The following EIF4G3 variants were observed in gnomAD, a reference collection of about 807,000 sequenced individuals.
EIF4G3 encodes the protein eIF-4-gamma 3.
Under a neutral mutation model 186.4 loss-of-function variants are expected in EIF4G3, and 34 were observed. That is an observed-to-expected ratio of 0.18 (90% confidence interval 0.14 to 0.24). EIF4G3 has a LOEUF of 0.24. Among genes scored for constraint, EIF4G3 ranks in the 10% least tolerant of loss-of-function variants. The pLI is 1.00. For synonymous variants in EIF4G3, 673 were observed against 679.5 expected, an observed-to-expected ratio of 0.99 and a Z score of 0.15; for missense variants, 1,536 against 1,948.5, an observed-to-expected ratio of 0.79 and a Z score of 3.99.
intron 20 of EIF4G3, among the ~76,000 whole-genome samples, chr1:20,875,734 A>T (rs2080574227): frequency 6.6e-6 from 1 of 152,120 alleles, no homozygotes; most frequent in African/African-American, 2.4e-5. Context: ...CAACATATTG[A>T]GATTCTGTCT....
intron 14 of EIF4G3, among the ~76,000 whole-genome samples, chr1:20,917,964 TATA>T (rs2094080797): frequency 6.6e-6 from 1 of 152,252 alleles, no homozygotes; most frequent in Non-Finnish European, 1.5e-5. Flanking sequence ...AAGGTAAATA[TATA>T]ATCTGTACAT....
At chr1:20,966,566 G>A (rs914749714) in intron 12 of EIF4G3, among the ~76,000 whole-genome samples, 8 of 151,740 alleles carry the variant, frequency 5.3e-5, no homozygotes, top group Non-Finnish European at 1.0e-4. Context: ...CTGCCTCCCG[G>A]GTTCAAGCGA....
chr1:21,051,532 C>T (rs990205364), intron 3 of EIF4G3, among the ~76,000 whole-genome samples: 9 of 152,180 alleles, frequency 5.9e-5, no homozygotes, highest in African/African-American at 1.2e-4. Context: ...GTTACTTATA[C>T]GACATAATCT....
chr1:20,997,935 C>T (rs912304551), intron 6 of EIF4G3, among the ~76,000 whole-genome samples: 2 of 150,076 alleles, frequency 1.3e-5, no homozygotes, highest in Non-Finnish European at 3.0e-5. Flanking sequence ...AAAAAAAACC[C>T]TAAAATAAGG....
At chr1:20,860,753 A>T (rs2076149799) in intron 23 of EIF4G3, among the ~76,000 whole-genome samples, 1 of 152,222 alleles carries the variant, frequency 6.6e-6, no homozygotes, top group Non-Finnish European at 1.5e-5. Context: ...TAGCCAATGG[A>T]TACAAAGAAC....
chr1:20,864,430 C>T, intron 22 of EIF4G3, 46 bp downstream of exon 22: 1 of 1,404,416 alleles, frequency 7.1e-7, no homozygotes, highest in Non-Finnish European at 1.0e-6. Flanking sequence ...TCTTTTGCAA[C>T]TGACAAGGAG....
chr1:20,977,336 G>A (rs764498584), intron 10 of EIF4G3, among the ~76,000 whole-genome samples: 19 of 151,862 alleles, frequency 1.3e-4, no homozygotes, highest in African/African-American at 1.9e-4. Context: ...ACAGGCGCCC[G>A]CCACCACACC....
chr1:20,962,026 C>T (rs896124785), intron 12 of EIF4G3, among the ~76,000 whole-genome samples: 1 of 152,064 alleles, frequency 6.6e-6, no homozygotes, highest in African/African-American at 2.4e-5. Context: ...TAGGTATCAC[C>T]TTCAAATTCT....
intron 3 of EIF4G3, among the ~76,000 whole-genome samples, chr1:21,055,154 A>G (rs771559873): frequency 2.0e-5 from 3 of 152,196 alleles, no homozygotes; most frequent in Non-Finnish European, 4.4e-5. Context: ...GAGCTCTTAT[A>G]AGAAAATTTC....
chr1:21,155,194 C>T (rs761281580), intron 2 of EIF4G3, among the ~76,000 whole-genome samples: 5 of 127,312 alleles, frequency 3.9e-5, no homozygotes, highest in Non-Finnish European at 7.8e-5. Flanking sequence ...ACCCAGGAGG[C>T]GGAGGTTGCA....
At chr1:20,932,994 G>A (rs1387612686) in intron 14 of EIF4G3, among the ~76,000 whole-genome samples, 2 of 152,134 alleles carry the variant, frequency 1.3e-5, no homozygotes, top group African/African-American at 4.8e-5. Flanking sequence ...ACTATATGGC[G>A]CTTTTGAAAT....
At chr1:20,976,577 A>G (rs16824917) in intron 10 of EIF4G3, among the ~76,000 whole-genome samples, 4,434 of 152,304 alleles carry the variant, frequency 0.029, 142 homozygotes, top group East Asian at 0.14. Context: ...GGTGCAGTCA[A>G]TATTTAGATT....
intron 23 of EIF4G3, 48 bp downstream of exon 23, chr1:20,862,180 T>G: frequency 8.4e-7 from 1 of 1,191,832 alleles, no homozygotes; most frequent in Non-Finnish European, 1.2e-6. Flanking sequence ...CCAATTCCTT[T>G]AAAGAGACTG....
Position 20,857,502 on chromosome 1 carries a change from A to C in EIF4G3, c.3245-5T>G. Reference sequence around the variant, plus strand: ...CTTCGTCCACTCTCTGGACACCTGCAGGGAGAACAGAGTGGGAGTCTCTCA... The same window carrying C: ...CTTCGTCCACTCTCTGGACACCTGCCGGGAGAACAGAGTGGGAGTCTCTCA... On this transcript the variant is annotated splice_polypyrimidine_tract_variant and splice_region_variant and intron_variant, in intron 24 of 36. Coordinates refer to ENST00000602326, the MANE Select transcript of EIF4G3 (RefSeq NM_001391906.1). The C allele has an allele frequency of 1.2e-6, 2 of 1,611,274 alleles. No individual in the cohort carries two copies. The highest frequency in any genetic ancestry group is 1.7e-6 in the Non-Finnish European group (2 of 1,177,358).
At chr1:21,024,841 G>C (rs956151043) in intron 4 of EIF4G3, among the ~76,000 whole-genome samples, 1 of 148,692 alleles carries the variant, frequency 6.7e-6, no homozygotes, top group African/African-American at 2.5e-5. Flanking sequence ...ATTGTCCCAT[G>C]ACCCTGCCAA....
intron 19 of EIF4G3, among the ~76,000 whole-genome samples, chr1:20,881,362 C>T (rs961570314): frequency 5.9e-5 from 9 of 152,126 alleles, no homozygotes; most frequent in African/African-American, 2.2e-4. Flanking sequence ...AATGTGAAAC[C>T]TAAAACTATA....
chr1:20,905,923 A>G (rs1237236393), intron 14 of EIF4G3, among the ~76,000 whole-genome samples: 1 of 152,222 alleles, frequency 6.6e-6, no homozygotes, highest in Admixed American at 6.5e-5. Flanking sequence ...TAATTCACTG[A>G]GACTCTGGGA....
intron 28 of EIF4G3, among the ~76,000 whole-genome samples, chr1:20,850,592 G>A (rs999939767): frequency 2.0e-5 from 3 of 152,098 alleles, no homozygotes; most frequent in South Asian, 2.1e-4. Context: ...TGCTATATTC[G>A]TCATCACAAC....
chr1:20,859,666 C>G (rs1468034561), intron 24 of EIF4G3, among the ~76,000 whole-genome samples: 1 of 152,212 alleles, frequency 6.6e-6, no homozygotes, highest in Non-Finnish European at 1.5e-5. Flanking sequence ...GTGGCGCGAT[C>G]GCGGCTCACC....
Sources: allele counts gnomAD v4.1 joint callset (sites outside exome capture counted in the v4.1 genomes callset), GRCh38; gene constraint gnomAD v4.1.1; transcripts MANE v1.5; gene names NCBI Gene and HGNC (gene_info 2026-07-23, HGNC 2026-07-21).